The following FMN1 variants were observed in gnomAD, a reference collection of about 807,000 sequenced individuals.
FMN1 encodes the protein formin-1.
FMN1 carries 110 observed loss-of-function variants against 132.4 expected under a neutral mutation model. The ratio of observed to expected loss-of-function variants is 0.83; its 90% CI spans 0.71 to 0.97. The LOEUF (loss-of-function observed/expected upper bound fraction) is 0.97, where lower values mean the gene tolerates loss of function less well. FMN1 is among the 50% of genes least tolerant of loss of function. FMN1 has a pLI of 0.00. For missense variants in FMN1, 1,792 were observed against 1,705.3 expected (o/e 1.05, Z -0.90); for synonymous variants, 722 against 651.7 (o/e 1.11, Z -1.64).
intron 4 of FMN1, among the ~76,000 whole-genome samples, chr15:33,101,689 A>C (rs1305337941): frequency 6.6e-6 from 1 of 152,120 alleles, no homozygotes; most frequent in Non-Finnish European, 1.5e-5. Flanking sequence ...ATCTAACAAC[A>C]AGAGACTTTA....
At chr15:32,947,270 G>C (rs963991228) in intron 9 of FMN1, among the ~76,000 whole-genome samples, 2 of 151,834 alleles carry the variant, frequency 1.3e-5, no homozygotes, top group African/African-American at 4.8e-5. Flanking sequence ...TTTATTCATA[G>C]TCAATTTTGC....
chr15:32,910,110 C>G, intron 11 of FMN1, among the ~76,000 whole-genome samples: 1 of 152,216 alleles, frequency 6.6e-6, no homozygotes, highest in Non-Finnish European at 1.5e-5. Context: ...ATCATCCAAG[C>G]TGGTATTAGC....
intron 6 of FMN1, among the ~76,000 whole-genome samples, chr15:33,026,187 T>C (rs2035660449): frequency 2.0e-5 from 3 of 148,146 alleles, no homozygotes; most frequent in African/African-American, 2.5e-5. Flanking sequence ...TAGCCACACA[T>C]GAATGCTGGG....
At chr15:32,870,276 C>T (rs1450455570) in intron 16 of FMN1, among the ~76,000 whole-genome samples, 1 of 152,190 alleles carries the variant, frequency 6.6e-6, no homozygotes, top group Admixed American at 6.5e-5. Context: ...ACTTTGATCA[C>T]GTGCAGAAGA....
intron 3 of FMN1, among the ~76,000 whole-genome samples, chr15:33,163,352 T>G (rs1964970606): frequency 6.6e-6 from 1 of 150,996 alleles, no homozygotes; most frequent in South Asian, 2.1e-4. Flanking sequence ...TGGAGCGCAA[T>G]GGCACAATCT....
Position 33,154,143 on chromosome 15 carries a change from T to C in FMN1, c.772A>G (p.Lys258Glu), listed in dbSNP as rs61744870. 4,234 of 1,536,332 alleles carry C rather than the reference T, an allele frequency of 2.8e-3. 50 individuals carry two copies. Among genetic ancestry groups the C allele is most frequent in the East Asian group, 0.02 (805 of 40,894 alleles). The change falls in exon 4 of 21, where the codon AAG becomes GAG. Residue 258 changes from lysine to glutamate, a missense_variant. This residue lies in a region of FMN1 where 638 missense variants were observed against 645.2 expected (regional missense o/e 0.99). Transcript: ENST00000616417. The part of the protein sequence containing the change: ...LGFGSFETAF[K>E]DTGLGREVLP... ...ACTTCTCTTCCAAGCCCAGTGTCCT[T>C]GAAAGCCGTCTCAAAGCTCCCAAAG...
intron 9 of FMN1, among the ~76,000 whole-genome samples, chr15:32,956,667 C>G (rs1434984875): frequency 6.6e-6 from 1 of 152,106 alleles, no homozygotes; most frequent in Non-Finnish European, 1.5e-5. Context: ...ATCCCTAACC[C>G]CATTGCTCAG....
chr15:33,048,775 A>C (rs1191722893), intron 6 of FMN1, among the ~76,000 whole-genome samples: 1 of 152,062 alleles, frequency 6.6e-6, no homozygotes, highest in Non-Finnish European at 1.5e-5. Context: ...TTGTGCAGGG[A>C]AACTTCCACT....
At chr15:32,905,924 C>T (rs1238623243) in intron 12 of FMN1, among the ~76,000 whole-genome samples, 2 of 152,152 alleles carry the variant, frequency 1.3e-5, no homozygotes, top group African/African-American at 4.8e-5. Flanking sequence ...CCTCCCGCAA[C>T]TGAGCCCAGG....
At chr15:32,964,048 C>CACAA in intron 9 of FMN1, 59 bp downstream of exon 9, 1 of 1,124,838 alleles carries the variant, frequency 8.9e-7, no homozygotes, top group Non-Finnish European at 1.3e-6. Flanking sequence ...CACACACACA[C>CACAA]ATATATACCA....
intron 17 of FMN1, among the ~76,000 whole-genome samples, chr15:32,855,909 T>G (rs1456338198): frequency 6.6e-6 from 1 of 152,046 alleles, no homozygotes; most frequent in African/African-American, 2.4e-5. Context: ...TTGGTATCTT[T>G]GCTCTCAAGA....
intron 7 of FMN1, among the ~76,000 whole-genome samples, chr15:32,976,451 T>C (rs1254908067): frequency 6.6e-6 from 1 of 152,200 alleles, no homozygotes; most frequent in Non-Finnish European, 1.5e-5. Context: ...GAGACTTCAA[T>C]AATCCCTTAG....
In FMN1 at chr15:32,901,931, T is replaced by C; in HGVS notation, c.3487A>G (p.Ile1163Val). 6.2e-7 allele frequency: 1 copy of C among 1,612,014 alleles called. No individual in the cohort carries two copies. The highest frequency in any genetic ancestry group is 8.5e-7 in the Non-Finnish European group (1 of 1,179,174). ...CATACCTTAGAAGCTCGCGTGATGA[T>C]CTCTACCTTTCTGTGCAAGGAGGTG... The part of the protein sequence containing the change: ...GITSLHRKVE[I>V]ITRASKDLLH... The change falls in exon 13 of 21, where the codon ATC becomes GTC. Residue 1163 changes from isoleucine (I) to valine (V), a missense_variant. By Grantham distance (29) the Ile-to-Val change is conservative. Coordinates refer to ENST00000616417, the MANE Select transcript of FMN1 (RefSeq NM_001277313.2).
chr15:33,104,674 CTAATG>C (rs2039417276), intron 4 of FMN1, among the ~76,000 whole-genome samples: 1 of 151,830 alleles, frequency 6.6e-6, no homozygotes, highest in South Asian at 2.1e-4. Flanking sequence ...TGTTTTCCAC[CTAATG>C]TAATTCTCAA....
rs551826779 is a variant in FMN1 at position 33,189,788 on chromosome 15, C to G, written c.-197+4121G>C. On this transcript the variant is annotated intron_variant, in intron 2 of 20. Coordinates refer to ENST00000616417, the MANE Select transcript of FMN1 (RefSeq NM_001277313.2). ...CATAACCAAAGAAAGGAATTTAAGT[C>G]TTCTGTATTAAGCCAAGGATGGACA... Among the ~76,000 whole-genome samples, 7 of 152,294 alleles carry G rather than the reference C, an allele frequency of 4.6e-5. No homozygotes were observed. In the South Asian group the frequency reaches 1.4e-3, roughly 32 times the overall value.
intron 2 of FMN1, among the ~76,000 whole-genome samples, chr15:33,180,941 G>T (rs1259323739): frequency 6.6e-6 from 1 of 151,942 alleles, no homozygotes; most frequent in Admixed American, 6.6e-5. Flanking sequence ...AGTAAAGAGG[G>T]GGCTTCACCA....
chr15:33,042,884 T>C (rs1032314865), intron 6 of FMN1, among the ~76,000 whole-genome samples: 2 of 152,100 alleles, frequency 1.3e-5, no homozygotes, highest in African/African-American at 2.4e-5. Context: ...TTCCATGTCA[T>C]GGGATTCCAT....
At chr15:32,915,097 A>G (rs902990781) in intron 10 of FMN1, among the ~76,000 whole-genome samples, 6 of 152,230 alleles carry the variant, frequency 3.9e-5, no homozygotes, top group Admixed American at 3.9e-4. Flanking sequence ...TGGAGATTAA[A>G]TTAGTTGTAT....
At chr15:33,128,723 C>T (rs1963374313) in intron 4 of FMN1, among the ~76,000 whole-genome samples, 1 of 152,210 alleles carries the variant, frequency 6.6e-6, no homozygotes, top group Non-Finnish European at 1.5e-5. Flanking sequence ...GTAAGTGTGA[C>T]AGCTCTTAAA....
Sources: gnomAD v4.1 joint callset for allele counts (sites outside exome capture counted in the v4.1 genomes callset) on GRCh38, gnomAD v4.1.1 for gene constraint, gnomAD v4.1.1 regional missense constraint, MANE v1.5 for transcripts, NCBI Gene and HGNC (gene_info 2026-07-23, HGNC 2026-07-21) for gene names.